Variants in EPG5 observed in about 807,000 individuals in gnomAD.
EPG5 encodes the protein ectopic P granules protein 5 homolog.
A neutral mutation model predicts 302.7 loss-of-function variants in EPG5; 159 were observed. The ratio of observed to expected loss-of-function variants is 0.53; its 90% CI spans 0.46 to 0.60. The LOEUF is 0.60. Ranked by LOEUF, EPG5 falls within the 20% of genes least tolerant of loss-of-function variation. The pLI is 0.00. For missense variants in EPG5, 2,896 were observed against 3,092.4 expected (o/e 0.94, Z 1.51); for synonymous variants, 1,158 against 1,136.8 (o/e 1.02, Z -0.37).
At chr18:45,956,676 G>A (rs1016122015) in intron 1 of EPG5, among the ~76,000 whole-genome samples, 19 of 151,690 alleles carry the variant, frequency 1.3e-4, no homozygotes, top group Middle Eastern at 6.8e-3. Context: ...CTCGTGATCC[G>A]TCCGCCTCAG....
chr18:45,836,614 T>G, the EPG5 span, among the ~76,000 whole-genome samples: 2 of 152,028 alleles, frequency 1.3e-5, no homozygotes, highest in Non-Finnish European at 2.9e-5. Context: ...GTTCACAAGG[T>G]GGGGAATGGG....
chr18:45,837,385 C>A, the EPG5 span: 4 of 1,324,482 alleles, frequency 3.0e-6, no homozygotes, highest in Non-Finnish European at 3.9e-6. Flanking sequence ...GGGGGACGAT[C>A]CCTGAGTCCT....
intron 23 of EPG5, among the ~76,000 whole-genome samples, chr18:45,909,988 C>G (rs1425150348): frequency 6.6e-6 from 1 of 151,976 alleles, no homozygotes. Context: ...AAGAACTATT[C>G]TAGCAAGGTT....
At position 45,867,675 on chromosome 18, in the gene EPG5, A is replaced by C. The variant is rs201980410; in HGVS notation, c.6299T>G (p.Val2100Gly). The C allele has an allele frequency of 1.5e-5, 25 of 1,614,138 alleles. No individual in the cohort carries two copies. Among genetic ancestry groups the C allele is most frequent in the Admixed American group, 1.2e-4 (7 of 60,020 alleles). ...SVLCEVNWVSVLSDAWNSSPH... is the reference protein window; with the variant it reads ...SVLCEVNWVSGLSDAWNSSPH... ...ACTGGAATTCCAGGCATCAGAGAGC[A>C]CACTAACCCAGTTGACTTCACAGAG... The change falls in exon 37 of 44, where the codon GTG (valine) becomes GGG (glycine). Residue 2100 changes from valine (V) to glycine (G), a missense_variant. Transcript: ENST00000282041.
At chr18:45,933,488 G>A (rs1455135318) in intron 11 of EPG5, among the ~76,000 whole-genome samples, 1 of 152,118 alleles carries the variant, frequency 6.6e-6, no homozygotes, top group Non-Finnish European at 1.5e-5. Context: ...AGACCAGCCT[G>A]GCCAACAATG....
chr18:45,911,676 A>G (rs1403896934), intron 22 of EPG5, among the ~76,000 whole-genome samples: 2 of 152,060 alleles, frequency 1.3e-5, no homozygotes, highest in African/African-American at 4.8e-5. Flanking sequence ...ACCTCAAGTG[A>G]TCCTCCCTCC....
intron 13 of EPG5, among the ~76,000 whole-genome samples, chr18:45,927,791 A>C (rs1441774321): frequency 6.6e-6 from 1 of 152,190 alleles, no homozygotes; most frequent in African/African-American, 2.4e-5. Context: ...GAAATAGGCA[A>C]AAATCTAGAG....
rs144966214 is a variant in EPG5, at chr18:45,914,220, G to C, written c.3694-392C>G. On this transcript the variant is annotated intron_variant, in intron 20 of 43. Coordinates refer to ENST00000282041, the MANE Select transcript of EPG5 (RefSeq NM_020964.3). The stretch of plus-strand genomic sequence containing the variant: ...GCAAAATGTGAAGTTGAGCAGTGAC[G>C]AGGACTGAGTCAAGGTAAAGTGCTA... Among the ~76,000 whole-genome samples the C allele has an allele frequency of 2.0e-5, 3 of 152,168 alleles. No individual in the cohort carries two copies. In the South Asian group the frequency reaches 6.2e-4, roughly 32 times the overall value.
chr18:45,907,493 T>C (rs2049782250), intron 24 of EPG5, among the ~76,000 whole-genome samples: 1 of 152,134 alleles, frequency 6.6e-6, no homozygotes, highest in South Asian at 2.1e-4. Context: ...CAATCAGAAC[T>C]GTGACAATGA....
chr18:45,964,665 T>A (rs2051211637), intron 1 of EPG5, among the ~76,000 whole-genome samples: 1 of 152,184 alleles, frequency 6.6e-6, no homozygotes, highest in African/African-American at 2.4e-5. Context: ...TGCAAAAGCA[T>A]TTCTTTTAAA....
At chr18:45,876,944 C>A (rs985052118) in intron 34 of EPG5, among the ~76,000 whole-genome samples, 1 of 152,094 alleles carries the variant, frequency 6.6e-6, no homozygotes, top group Non-Finnish European at 1.5e-5. Flanking sequence ...CCACCACATC[C>A]AGCTAATTTT....
intron 35 of EPG5, among the ~76,000 whole-genome samples, chr18:45,874,812 C>T (rs2048938006): frequency 6.6e-6 from 1 of 152,168 alleles, no homozygotes. Flanking sequence ...CACAGGGGCA[C>T]TAGGTGTATT....
intron 33 of EPG5, 47 bp from the exon 34 acceptor site, chr18:45,878,495 C>T (rs771846988): frequency 2.5e-6 from 3 of 1,186,566 alleles, no homozygotes; most frequent in Admixed American, 1.7e-5. Context: ...TGTCATTTGT[C>T]AATATCACTG....
At chr18:45,837,522 C>A in the EPG5 span, 2 of 1,510,740 alleles carry the variant, frequency 1.3e-6, no homozygotes, top group African/African-American at 1.4e-5. Context: ...GGCTCGCCAG[C>A]GCAGCGCTGG....
intron 39 of EPG5, among the ~76,000 whole-genome samples, chr18:45,864,927 T>A (rs1599440346): frequency 6.6e-6 from 1 of 152,214 alleles, no homozygotes; most frequent in Admixed American, 6.5e-5. Context: ...GAGGTTTACT[T>A]CTAGCTTATC....
chr18:45,957,045 GA>G (rs2051048808), intron 1 of EPG5, among the ~76,000 whole-genome samples: 1 of 151,712 alleles, frequency 6.6e-6, no homozygotes. Flanking sequence ...AAACCTCATT[GA>G]AATCACTCAA....
intron 35 of EPG5, among the ~76,000 whole-genome samples, chr18:45,876,030 C>G (rs1363312990): frequency 6.6e-6 from 1 of 150,970 alleles, no homozygotes; most frequent in Non-Finnish European, 1.5e-5. Context: ...GCACTCCAGC[C>G]TGGGCGACAG....
At chr18:45,944,777 G>A (rs1024350287) in intron 7 of EPG5, among the ~76,000 whole-genome samples, 1 of 152,150 alleles carries the variant, frequency 6.6e-6, no homozygotes, top group African/African-American at 2.4e-5. Context: ...AACCATAGAT[G>A]AGAGTTCAAA....
chr18:45,805,677 A>T, the EPG5 span, among the ~76,000 whole-genome samples: 1 of 152,168 alleles, frequency 6.6e-6, no homozygotes. Flanking sequence ...AGTGAAAGTA[A>T]ATAGATGCAA....
Sources: gnomAD v4.1 joint callset for allele counts (sites outside exome capture counted in the v4.1 genomes callset) on GRCh38, gnomAD v4.1.1 for gene constraint, MANE v1.5 for transcripts, NCBI Gene and HGNC (gene_info 2026-07-23, HGNC 2026-07-21) for gene names.